ATP6V1B2: variants seen among roughly 807,000 people sequenced by gnomAD.
The protein encoded by ATP6V1B2 is V-type proton ATPase subunit B, brain isoform.
ATP6V1B2 carries 23 observed loss-of-function variants against 66.7 expected under a neutral mutation model. The ratio of observed to expected loss-of-function variants is 0.34; its 90% CI spans 0.25 to 0.49. The LOEUF (loss-of-function observed/expected upper bound fraction) is 0.49. Ranked by LOEUF, ATP6V1B2 falls within the 20% of genes least tolerant of loss-of-function variation. ATP6V1B2 has a pLI of 0.99. For missense variants in ATP6V1B2, 478 were observed against 650.8 expected (o/e 0.73, Z 2.89); for synonymous variants, 278 against 236.7 (o/e 1.17, Z -1.60).
At chr8:20,215,297 G>T in intron 10 of ATP6V1B2, 1 of 167,962 alleles carries the variant, frequency 6.0e-6, no homozygotes, top group Non-Finnish European at 1.3e-5. Context: ...TCTAATTGGG[G>T]ATGTTTTTTA....
intron 4 of ATP6V1B2, 26 bp downstream of exon 4, chr8:20,210,465 C>T (rs1393695521): frequency 1.2e-6 from 2 of 1,608,798 alleles, no homozygotes; most frequent in Admixed American, 1.7e-5. Context: ...TCATTCTAAG[C>T]CGAGATCTGT....
chr8:20,206,021 T>A (rs1409597379), intron 2 of ATP6V1B2, among the ~76,000 whole-genome samples: 1 of 152,242 alleles, frequency 6.6e-6, no homozygotes, highest in African/African-American at 2.4e-5. Flanking sequence ...AAATTACTCA[T>A]TTTTTAAAAA....
At chr8:20,216,353 C>A (rs1035427456) in intron 10 of ATP6V1B2, 60 bp from the exon 11 acceptor site, 9 of 1,477,576 alleles carry the variant, frequency 6.1e-6, no homozygotes, top group South Asian at 4.6e-5. Flanking sequence ...GAGAGATGGC[C>A]GCTTTAAAAC....
intron 10 of ATP6V1B2, chr8:20,216,141 A>C (rs918678436): frequency 4.0e-6 from 1 of 249,970 alleles, no homozygotes; most frequent in African/African-American, 2.2e-5. Flanking sequence ...GTTTAAGTTC[A>C]AGTTAACTGA....
chr8:20,217,570 C>G (rs1386764232), intron 12 of ATP6V1B2, among the ~76,000 whole-genome samples: 1 of 152,112 alleles, frequency 6.6e-6, no homozygotes, highest in Non-Finnish European at 1.5e-5. Context: ...AATAAAAAGC[C>G]AAGCAATGAG....
At position 20,220,625 on chromosome 8, in the gene ATP6V1B2, C is replaced by A; in HGVS notation, c.*223C>A. 1.9e-6 allele frequency: 1 copy of A among 538,270 alleles called. No homozygotes were observed. Among genetic ancestry groups the A allele is most frequent in the Non-Finnish European group, 3.0e-6 (1 of 335,394 alleles). 33.3% of individuals were successfully genotyped at this position (538,270 alleles called of 1,614,324 possible). On this transcript the variant is annotated 3_prime_UTR_variant, in exon 14 of 14. Coordinates refer to ENST00000276390, the MANE Select transcript of ATP6V1B2 (RefSeq NM_001693.4). ...GGTCCTCAGTGCTATGTTTAAAGTG[C>A]TGCAGGGATGGAGTGGCGTTTTCTT...
At chr8:20,204,168 C>G in intron 1 of ATP6V1B2, 1 of 386,308 alleles carries the variant, frequency 2.6e-6, no homozygotes, top group Non-Finnish European at 4.9e-6. Context: ...CACATTCTAA[C>G]TCCACCCCCT....
At chr8:20,211,126 C>T (rs746563402) in intron 5 of ATP6V1B2, 51 bp from the exon 6 acceptor site, 40 of 1,585,040 alleles carry the variant, frequency 2.5e-5, no homozygotes, top group Non-Finnish European at 6.0e-6. Context: ...TAATTTCATT[C>T]ATGAATAATG....
intron 3 of ATP6V1B2, 46 bp from the exon 4 acceptor site, chr8:20,210,300 G>A: frequency 3.3e-6 from 5 of 1,506,292 alleles, no homozygotes; most frequent in Non-Finnish European, 4.6e-6. Context: ...AAATGCCCGT[G>A]ATCTAAATTA....
intron 2 of ATP6V1B2, among the ~76,000 whole-genome samples, chr8:20,207,146 T>A (rs971087074): frequency 1.3e-5 from 2 of 152,104 alleles, no homozygotes; most frequent in Non-Finnish European, 2.9e-5. Context: ...AAGTGAAGAT[T>A]CCATGTTCAT....
chr8:20,210,650 G>C lies in ATP6V1B2; in HGVS notation c.463+4G>C, dbSNP rs1287328621. 6.2e-7 allele frequency: 1 copy of C among 1,610,806 alleles called. No individual in the cohort carries two copies. Among genetic ancestry groups the C allele is most frequent in the Admixed American group, 1.7e-5 (1 of 59,990 alleles). On this transcript the variant is annotated splice_donor_region_variant and intron_variant, in intron 5 of 13. Transcript: ENST00000276390. The stretch of plus-strand genomic sequence containing the variant: ...GAAGACTTCCTTGATATCATGGGTA[G>C]GTACAGTAGATGGATTGCTGTGTTT...
At chr8:20,212,337 C>T (rs2072803689) in intron 8 of ATP6V1B2, 138 bp downstream of exon 8, 1 of 786,580 alleles carries the variant, frequency 1.3e-6, no homozygotes, top group Non-Finnish European at 2.0e-6. Context: ...TCCAGCCCTG[C>T]TTCTTGGTAG....
Position 20,220,253 on chromosome 8 carries a change from AT to A in ATP6V1B2, c.1397-4del, listed in dbSNP as rs775137639. On this transcript the variant is annotated splice_polypyrimidine_tract_variant and intron_variant, in intron 13 of 13. Coordinates refer to ENST00000276390, the MANE Select transcript of ATP6V1B2 (RefSeq NM_001693.4). ...ATTTGCATTTATTAATTCAATCTCA[AT>A]TTTTTAAGGTCCTTACGAAAATCGC... The A allele has an allele frequency of 3.7e-6, 6 of 1,602,218 alleles. No individual in the cohort carries two copies. The highest frequency in any genetic ancestry group is 1.1e-5 in the South Asian group (1 of 88,554).
intron 1 of ATP6V1B2, among the ~76,000 whole-genome samples, chr8:20,198,841 G>C (rs1497019): frequency 0.098 from 14,994 of 152,272 alleles, 1,086 homozygotes; most frequent in South Asian, 0.14. Flanking sequence ...GTTCGAATTA[G>C]AAAATGTATG....
At chr8:20,216,971 A>G (rs2072860646) in intron 11 of ATP6V1B2, 1 of 411,066 alleles carries the variant, frequency 2.4e-6, no homozygotes, top group Non-Finnish European at 4.4e-6. Flanking sequence ...TGAGTTTTTT[A>G]AAATAGTCTT....
intron 13 of ATP6V1B2, 50 bp downstream of exon 13, chr8:20,218,332 G>A: frequency 1.3e-6 from 2 of 1,588,772 alleles, no homozygotes; most frequent in South Asian, 1.1e-5. Context: ...ATGTAATTTT[G>A]AAAACTGCTT....
intron 1 of ATP6V1B2, among the ~76,000 whole-genome samples, chr8:20,203,797 AAC>A (rs1347825853): frequency 6.6e-6 from 1 of 152,314 alleles, no homozygotes; most frequent in African/African-American, 2.4e-5. Context: ...AGTGGAAAAC[AAC>A]AGTCTCTAAC....
chr8:20,203,124 A>G (rs891040541), intron 1 of ATP6V1B2, among the ~76,000 whole-genome samples: 2 of 152,350 alleles, frequency 1.3e-5, no homozygotes, highest in African/African-American at 2.4e-5. Context: ...CTAGTAATCT[A>G]GGGGAATGAT....
Position 20,212,183 on chromosome 8 carries a change from T to C in ATP6V1B2, c.787T>C (p.Leu263=). Residue 263 remains leucine, a synonymous_variant, in exon 8 of 14, where the codon TTG becomes CTG. Coordinates refer to ENST00000276390, the MANE Select transcript of ATP6V1B2 (RefSeq NM_001693.4). The part of the protein sequence containing the change: ...SMDNVCLFLN[L]ANDPTIERII... ...GGACAATGTCTGCCTCTTTTTGAAC[T>C]TGGCTAATGACCCAACGTAAGTAAC... 1 of 1,613,610 alleles carries C rather than the reference T, an allele frequency of 6.2e-7. No individual in the cohort carries two copies. The highest frequency in any genetic ancestry group is 1.7e-5 in the Admixed American group (1 of 59,940).
Sources: gnomAD v4.1 joint callset for allele counts (sites outside exome capture counted in the v4.1 genomes callset) on GRCh38, gnomAD v4.1.1 for gene constraint, MANE v1.5 for transcripts, NCBI Gene and HGNC (gene_info 2026-07-23, HGNC 2026-07-21) for gene names.